Variants in MLLT3 observed in about 807,000 individuals in gnomAD.
MLLT3 encodes MLLT3 super elongation complex subunit.
In MLLT3, 4 loss-of-function variants were observed where a neutral mutation model predicts 53.2. The observed-to-expected ratio is 0.08, with a 90% CI of 0.04 to 0.17. The LOEUF (loss-of-function observed/expected upper bound fraction) is 0.17. Among genes scored for constraint, MLLT3 ranks in the 10% least tolerant of loss-of-function variants. The pLI, the probability that MLLT3 is intolerant of heterozygous loss-of-function variation, is 1.00. For synonymous variants in MLLT3, 283 were observed against 230.6 expected (o/e 1.23, Z -2.06); for missense variants, 569 against 684.0 (o/e 0.83, Z 1.87).
chr9:20,387,858 C>A (rs1293706705), intron 5 of MLLT3, among the ~76,000 whole-genome samples: 1 of 152,132 alleles, frequency 6.6e-6, no homozygotes, highest in Non-Finnish European at 1.5e-5. Flanking sequence ...CTCATTGTTT[C>A]AAAAATTCAG....
intron 2 of MLLT3, among the ~76,000 whole-genome samples, chr9:20,474,950 G>C (rs1406690490): frequency 2.0e-5 from 3 of 152,054 alleles, no homozygotes; most frequent in Admixed American, 6.6e-5. Context: ...GAGTAAACTA[G>C]AGTAACTTAA....
At chr9:20,586,804 C>T (rs1436392705) in intron 2 of MLLT3, among the ~76,000 whole-genome samples, 1 of 151,920 alleles carries the variant, frequency 6.6e-6, no homozygotes, top group African/African-American at 2.4e-5. Flanking sequence ...AAGGAGCCAG[C>T]AGAGGGGAGC....
chr9:20,348,172 T>C (rs1820925081), intron 10 of MLLT3, among the ~76,000 whole-genome samples: 2 of 152,214 alleles, frequency 1.3e-5, no homozygotes, highest in East Asian at 1.9e-4. Context: ...GCTACTCTCA[T>C]AGTGGATGCA....
intron 2 of MLLT3, among the ~76,000 whole-genome samples, chr9:20,594,618 G>T (rs750931701): frequency 1.8e-4 from 27 of 152,120 alleles, no homozygotes; most frequent in Non-Finnish European, 1.8e-4. Context: ...ACAAAAGGTT[G>T]GCACAAGACA....
In MLLT3 at chr9:20,616,416, G is replaced by T. The variant is rs1587136247; in HGVS notation, c.193+4238C>A. On this transcript the variant is annotated intron_variant, in intron 2 of 10. Coordinates refer to ENST00000380338, the MANE Select transcript of MLLT3 (RefSeq NM_004529.4). ...ATTTTTAAAACAATATTCTATATTG[G>T]TTTTTTATTCTTTTTCAGTTTTAAA... Among the ~76,000 whole-genome samples the T allele has an allele frequency of 3.3e-5, 5 of 151,904 alleles. No homozygotes were observed. The South Asian group carries it at 8.3e-4, about 25-fold the overall frequency.
At chr9:20,495,190 A>G (rs1359038021) in intron 2 of MLLT3, among the ~76,000 whole-genome samples, 1 of 152,138 alleles carries the variant, frequency 6.6e-6, no homozygotes, top group African/African-American at 2.4e-5. Context: ...AAGTTTAATA[A>G]TATGGGCAAC....
intron 2 of MLLT3, among the ~76,000 whole-genome samples, chr9:20,496,963 T>G (rs1825093602): frequency 6.6e-6 from 1 of 152,220 alleles, no homozygotes; most frequent in South Asian, 2.1e-4. Context: ...CTCTTGGACT[T>G]TCACTTGTCA....
At chr9:20,562,976 C>A (rs1256179943) in intron 2 of MLLT3, among the ~76,000 whole-genome samples, 1 of 152,148 alleles carries the variant, frequency 6.6e-6, no homozygotes, top group Non-Finnish European at 1.5e-5. Context: ...TCTAGGAACA[C>A]CTACCGTCCC....
At chr9:20,587,370 A>G (rs900756789) in intron 2 of MLLT3, among the ~76,000 whole-genome samples, 5 of 152,160 alleles carry the variant, frequency 3.3e-5, no homozygotes, top group African/African-American at 1.2e-4. Context: ...CATTTTACAG[A>G]TAAGAAAGCA....
At position 20,589,166 on chromosome 9, in the gene MLLT3, C is replaced by G. The variant is rs553238941; in HGVS notation, c.193+31488G>C. On this transcript the variant is annotated intron_variant, in intron 2 of 10. Coordinates refer to ENST00000380338, the MANE Select transcript of MLLT3 (RefSeq NM_004529.4). ...TTTATTGCGGCACTATTCACAATAG[C>G]AAAGACTTGGAACCAACCCAAATGT... Among the ~76,000 whole-genome samples, 340 of 149,448 alleles carry G rather than the reference C, an allele frequency of 2.3e-3. 1 individual carries two copies. The highest frequency in any genetic ancestry group is 7.7e-3 in the African/African-American group (316 of 40,902).
intron 5 of MLLT3, among the ~76,000 whole-genome samples, chr9:20,385,063 T>G (rs1286486596): frequency 6.6e-6 from 1 of 152,150 alleles, no homozygotes; most frequent in African/African-American, 2.4e-5. Flanking sequence ...CAAAATATTT[T>G]TATTTATTAA....
intron 2 of MLLT3, among the ~76,000 whole-genome samples, chr9:20,470,276 G>A (rs933980991): frequency 3.3e-5 from 5 of 152,042 alleles, no homozygotes; most frequent in Admixed American, 6.6e-5. Flanking sequence ...TGTTTATCAC[G>A]TTAGTAGCAA....
chr9:20,494,921 A>G (rs1473333088), intron 2 of MLLT3, among the ~76,000 whole-genome samples: 1 of 152,158 alleles, frequency 6.6e-6, no homozygotes, highest in African/African-American at 2.4e-5. Context: ...TACTATACAT[A>G]TATGCAAGAT....
chr9:20,569,278 A>C (rs1819464355), intron 2 of MLLT3, among the ~76,000 whole-genome samples: 1 of 152,136 alleles, frequency 6.6e-6, no homozygotes, highest in Non-Finnish European at 1.5e-5. Flanking sequence ...CATTTTATAA[A>C]AACTGAGACT....
chr9:20,481,347 T>C (rs1458748268), intron 2 of MLLT3, among the ~76,000 whole-genome samples: 1 of 152,192 alleles, frequency 6.6e-6, no homozygotes, highest in African/African-American at 2.4e-5. Flanking sequence ...TTTTCCTATT[T>C]TCCTCAGGAA....
Position 20,343,354 on chromosome 9 carries a change from T to C in MLLT3, c.*3089A>G, listed in dbSNP as rs1211725005. ...ACTCTCTTAAGAGATATTTTTTTCC[T>C]GATCTGAAGTTTTTATAGTCTTCCC... On this transcript the variant is annotated 3_prime_UTR_variant, in exon 11 of 11. Transcript: ENST00000380338. 1 of 211,212 alleles carries C rather than the reference T, an allele frequency of 4.7e-6. No homozygotes were observed. The highest frequency in any genetic ancestry group is 2.3e-5 in the African/African-American group (1 of 43,994). The allele number at this position is 211,212 out of a possible 1,614,324, so 13.1% of individuals were successfully genotyped here.
intron 2 of MLLT3, among the ~76,000 whole-genome samples, chr9:20,591,712 T>A (rs10811374): frequency 0.39 from 58,564 of 152,102 alleles, 11,453 homozygotes; most frequent in East Asian, 0.5. Context: ...ACAGAAAGAA[T>A]ACTTTAAGAG....
At chr9:20,358,387 A>G (rs1455682345) in intron 8 of MLLT3, among the ~76,000 whole-genome samples, 3 of 152,238 alleles carry the variant, frequency 2.0e-5, no homozygotes, top group Admixed American at 6.5e-5. Context: ...CACATAATAC[A>G]GTATTATTGG....
intron 8 of MLLT3, among the ~76,000 whole-genome samples, chr9:20,356,122 G>C (rs1487131106): frequency 6.6e-6 from 1 of 152,126 alleles, no homozygotes; most frequent in Non-Finnish European, 1.5e-5. Context: ...TACTGGATGA[G>C]GATAGGAACA....
Sources: allele counts gnomAD v4.1 joint callset (sites outside exome capture counted in the v4.1 genomes callset), GRCh38; gene constraint gnomAD v4.1.1; transcripts MANE v1.5; gene names NCBI Gene and HGNC (gene_info 2026-07-23, HGNC 2026-07-21).